The following NRAP variants were observed in gnomAD, a reference collection of about 807,000 sequenced individuals.
The protein encoded by NRAP is nebulin-related-anchoring protein.
NRAP carries 189 observed loss-of-function variants against 225.9 expected under a neutral mutation model. That is an observed-to-expected ratio of 0.84 (90% CI 0.74 to 0.94). The LOEUF (loss-of-function observed/expected upper bound fraction) is 0.94. Among genes scored for constraint, NRAP ranks in the 40% least tolerant of loss-of-function variants. The pLI is 0.00. For missense variants in NRAP, 2,176 were observed against 2,168.7 expected, an observed-to-expected ratio of 1.00 and a Z score of -0.07; for synonymous variants, 769 against 790.7, an observed-to-expected ratio of 0.97 and a Z score of 0.46.
intron 11 of NRAP, 138 bp downstream of exon 11, chr10:113,645,687 G>C: frequency 3.8e-6 from 2 of 527,156 alleles, no homozygotes; most frequent in Middle Eastern, 5.3e-4. Context: ...AAAGTGCTGG[G>C]ATCACAGGCG....
chr10:113,628,503 A>T (rs1397156255), intron 20 of NRAP, among the ~76,000 whole-genome samples: 1 of 152,180 alleles, frequency 6.6e-6, no homozygotes, highest in Non-Finnish European at 1.5e-5. Context: ...AAAGAGGATC[A>T]GGAAGGTTAA....
At position 113,640,381 on chromosome 10, in the gene NRAP, T is replaced by C; in HGVS notation, c.1324-50A>G. 2.7e-6 allele frequency: 3 copies of C among 1,131,372 alleles called. No homozygotes were observed. The South Asian group carries it at 4.2e-5, about 16-fold the overall frequency. The allele number at this position is 1,131,372 out of a possible 1,614,324, so 70.1% of individuals were successfully genotyped here. ...AATGGAGAAATCAATTTCTACTTTC[T>C]TTTGGCTTTGTTTGAATGCCATAAG... On this transcript the variant is annotated intron_variant, in intron 13 of 41. Transcript: ENST00000359988.
At chr10:113,610,360 A>AG in intron 31 of NRAP, 99 bp downstream of exon 31, 2 of 631,798 alleles carry the variant, frequency 3.2e-6, no homozygotes, top group Non-Finnish European at 5.5e-6. Context: ...AAATTAAAAA[A>AG]AAAAAAAAAA....
At chr10:113,591,225 T>C (rs1845969183) in intron 39 of NRAP, among the ~76,000 whole-genome samples, 1 of 152,216 alleles carries the variant, frequency 6.6e-6, no homozygotes. Context: ...TAATTAATAC[T>C]CCAACAGGAA....
At chr10:113,634,951 C>G (rs1848782977) in intron 14 of NRAP, among the ~76,000 whole-genome samples, 1 of 152,140 alleles carries the variant, frequency 6.6e-6, no homozygotes, top group African/African-American at 2.4e-5. Context: ...CCCTGCCTGG[C>G]CCTCACTTCC....
chr10:113,655,171 C>T (rs540188379), intron 4 of NRAP, among the ~76,000 whole-genome samples: 31 of 152,284 alleles, frequency 2.0e-4, no homozygotes, highest in Non-Finnish European at 3.7e-4. Context: ...CTGACAATAC[C>T]AAGTGATGGT....
intron 25 of NRAP, 118 bp from the exon 26 acceptor site, chr10:113,617,671 T>C (rs1479659264): frequency 1.4e-6 from 1 of 699,836 alleles, no homozygotes; most frequent in African/African-American, 1.8e-5. Flanking sequence ...ATTATTATTC[T>C]GCTTCCTCCA....
At chr10:113,634,083 C>T in intron 15 of NRAP, 29 bp downstream of exon 15, 1 of 1,500,744 alleles carries the variant, frequency 6.7e-7, no homozygotes, top group African/African-American at 1.4e-5. Flanking sequence ...AAGACCCCTA[C>T]ATCCAGCTGG....
chr10:113,593,780 C>T (rs1454183010), intron 38 of NRAP, among the ~76,000 whole-genome samples: 2 of 152,226 alleles, frequency 1.3e-5, no homozygotes, highest in Admixed American at 1.3e-4. Flanking sequence ...AAGGGGCACA[C>T]CATGCCTTCC....
At chr10:113,632,755 T>C (rs543310607) in intron 16 of NRAP, among the ~76,000 whole-genome samples, 8 of 152,360 alleles carry the variant, frequency 5.3e-5, no homozygotes, top group African/African-American at 1.4e-4. Context: ...ATGATGCAGA[T>C]TGATCTTCTT....
chr10:113,623,681 G>T, intron 22 of NRAP, 45 bp from the exon 23 acceptor site: 1 of 1,228,804 alleles, frequency 8.1e-7, no homozygotes, highest in Non-Finnish European at 1.2e-6. Flanking sequence ...TCATGTGAGA[G>T]GGTTCTCACG....
intron 11 of NRAP, among the ~76,000 whole-genome samples, chr10:113,643,914 T>C (rs549247369): frequency 6.6e-6 from 1 of 152,094 alleles, no homozygotes; most frequent in East Asian, 1.9e-4. Context: ...AGTATATTCA[T>C]ATAGAAAGAG....
chr10:113,661,614 C>T (rs1486582424), intron 3 of NRAP, among the ~76,000 whole-genome samples: 1 of 152,128 alleles, frequency 6.6e-6, no homozygotes, highest in East Asian at 1.9e-4. Context: ...TATAGAAGCT[C>T]AATGATTCAT....
chr10:113,659,485 A>G (rs1322469039), intron 3 of NRAP, among the ~76,000 whole-genome samples: 1 of 152,212 alleles, frequency 6.6e-6, no homozygotes, highest in Admixed American at 6.5e-5. Context: ...CTAGAAAGTT[A>G]TATTTGCTGT....
Position 113,590,753 on chromosome 10 carries a change from G to C in NRAP, c.4781C>G (p.Ala1594Gly). 6.2e-7 allele frequency: 1 copy of C among 1,614,236 alleles called. No individual in the cohort carries two copies. Among genetic ancestry groups the C allele is most frequent in the Non-Finnish European group, 8.5e-7 (1 of 1,180,038 alleles). The change falls in exon 40 of 42, where the codon GCC (alanine) becomes GGC (glycine). Residue 1594 changes from alanine to glycine, a missense_variant. Ala to Gly is a moderately conservative substitution (Grantham distance 60). Transcript: ENST00000359988. The part of the protein sequence containing the change: ...QSDNEYKKDF[A>G]KSRSQFHSST... Reference sequence around the variant, plus strand: ...GCTGTGAAACTGGGACCGACTCTTGGCAAAGTCCTTCTTGTACTCATTGTC... The same window carrying C: ...GCTGTGAAACTGGGACCGACTCTTGCCAAAGTCCTTCTTGTACTCATTGTC...
At chr10:113,604,357 C>G (rs548913095) in intron 35 of NRAP, among the ~76,000 whole-genome samples, 1 of 152,144 alleles carries the variant, frequency 6.6e-6, no homozygotes, top group Admixed American at 6.5e-5. Flanking sequence ...CCTCGTGATC[C>G]GCCTGGCTCA....
chr10:113,606,300 A>T lies in NRAP; in HGVS notation c.3703-18T>A. The T allele has an allele frequency of 4.2e-6, 6 of 1,420,350 alleles. No homozygotes were observed. Among genetic ancestry groups the T allele is most frequent in the Non-Finnish European group, 6.0e-6 (6 of 1,004,196 alleles). 88.0% of individuals were successfully genotyped at this position (1,420,350 alleles called of 1,614,324 possible). On this transcript the variant is annotated intron_variant, in intron 32 of 41. Transcript: ENST00000359988. ...TAGAGGCGCTAGGCCAAAAAAATAT[A>T]ATAATAATAATGCAAGAGATAAGTG...
chr10:113,617,345 T>C, intron 26 of NRAP, 110 bp downstream of exon 26: 1 of 719,764 alleles, frequency 1.4e-6, no homozygotes, highest in Non-Finnish European at 2.5e-6. Context: ...GGGAGCGCCT[T>C]CATCCTTAGG....
At chr10:113,652,019 G>A (rs553035456) in intron 6 of NRAP, 112 bp from the exon 7 acceptor site, 69 of 717,294 alleles carry the variant, frequency 9.6e-5, no homozygotes, top group African/African-American at 9.5e-4. Context: ...ATGCAAACCT[G>A]TGGCAAGTCT....
Sources: allele counts gnomAD v4.1 joint callset (sites outside exome capture counted in the v4.1 genomes callset), GRCh38; gene constraint gnomAD v4.1.1; transcripts MANE v1.5; gene names NCBI Gene and HGNC (gene_info 2026-07-23, HGNC 2026-07-21).